Variants in NBN observed in about 807,000 individuals in gnomAD.
NBN encodes the protein Nijmegen breakage syndrome 1 (nibrin).
Under a neutral mutation model 90.8 loss-of-function variants are expected in NBN, and 88 were observed. The ratio of observed to expected loss-of-function variants is 0.97; its 90% CI spans 0.82 to 1.16. The LOEUF (loss-of-function observed/expected upper bound fraction) is 1.16. Among genes scored for constraint, NBN ranks in the 50% most tolerant of loss-of-function variants. The pLI is 0.00. For synonymous variants in NBN, 328 were observed against 295.1 expected (o/e 1.11, Z -1.14); for missense variants, 894 against 869.6 (o/e 1.03, Z -0.35).
chr8:89,963,583 TGG>T, intron 8 of NBN, among the ~76,000 whole-genome samples: 1 of 152,160 alleles, frequency 6.6e-6, no homozygotes, highest in Non-Finnish European at 1.5e-5. Flanking sequence ...TTAAAAACTA[TGG>T]AAATGTGTTT....
At chr8:89,941,305 T>C (rs1037914798) in intron 14 of NBN, among the ~76,000 whole-genome samples, 4 of 152,122 alleles carry the variant, frequency 2.6e-5, no homozygotes, top group Non-Finnish European at 4.4e-5. Flanking sequence ...TTAAGAAAGA[T>C]GACTGGTCAT....
chr8:89,976,418 G>A (rs1200507243), intron 5 of NBN, among the ~76,000 whole-genome samples: 1 of 152,212 alleles, frequency 6.6e-6, no homozygotes, highest in East Asian at 1.9e-4. Context: ...GTGCCTGAAA[G>A]CTTAGGTTAG....
chr8:89,940,168 CT>C (rs1434649335), intron 14 of NBN, among the ~76,000 whole-genome samples: 2 of 152,188 alleles, frequency 1.3e-5, no homozygotes, highest in East Asian at 3.8e-4. Context: ...TCACTGCAAC[CT>C]TAACCTCCCA....
intron 14 of NBN, among the ~76,000 whole-genome samples, chr8:89,940,572 T>A (rs577269197): frequency 1.9e-4 from 29 of 151,146 alleles, no homozygotes; most frequent in African/African-American, 7.0e-4. Flanking sequence ...AAAAGACATT[T>A]CCCTTTACTC....
intron 11 of NBN, among the ~76,000 whole-genome samples, chr8:89,949,767 T>C (rs905076322): frequency 6.6e-6 from 1 of 152,098 alleles, no homozygotes; most frequent in African/African-American, 2.4e-5. Context: ...CAAAGAGAAG[T>C]ATCACATTTT....
At chr8:89,974,566 A>G (rs1041648345) in intron 5 of NBN, among the ~76,000 whole-genome samples, 2 of 152,174 alleles carry the variant, frequency 1.3e-5, no homozygotes, top group African/African-American at 4.8e-5. Flanking sequence ...AGCAAGCAGC[A>G]TGAGCCCCAG....
intron 14 of NBN, among the ~76,000 whole-genome samples, chr8:89,938,131 C>T (rs1809774923): frequency 6.6e-6 from 1 of 152,160 alleles, no homozygotes. Context: ...GGATGCTTAT[C>T]AATTTCTACC....
intron 3 of NBN, 64 bp from the exon 4 acceptor site, chr8:89,980,957 TACTTTAAA>T (rs1812038511): frequency 9.0e-6 from 13 of 1,450,030 alleles, no homozygotes; most frequent in Non-Finnish European, 1.2e-5. Flanking sequence ...CAATTTTTAG[TACTTTAAA>T]ACTTTAAGCT....
In NBN at chr8:89,980,924, T is replaced by C. The variant is rs750146053; in HGVS notation, c.321-31A>G. ...AATGAGAATAAGTTAAATAAAGTCA[T>C]AGTATCAGAGTTGCAGAGATGGCAA... On this transcript the variant is annotated intron_variant, in intron 3 of 15. Coordinates refer to ENST00000265433, the MANE Select transcript of NBN (RefSeq NM_002485.5). 5.0e-6 allele frequency: 8 copies of C among 1,603,576 alleles called. No homozygotes were observed. The African/African-American group carries it at 9.4e-5, about 19-fold the overall frequency.
At chr8:89,945,206 T>G (rs1810133350) in intron 13 of NBN, among the ~76,000 whole-genome samples, 1 of 152,196 alleles carries the variant, frequency 6.6e-6, no homozygotes, top group Admixed American at 6.5e-5. Context: ...GAAGTAACCA[T>G]GCAGTAAGAA....
At chr8:89,941,611 T>G (rs1384616757) in intron 14 of NBN, among the ~76,000 whole-genome samples, 3 of 152,162 alleles carry the variant, frequency 2.0e-5, no homozygotes, top group Admixed American at 2.0e-4. Flanking sequence ...CTCTCTTCCT[T>G]CCCAGTCTGT....
chr8:89,981,194 T>C (rs937991171), intron 3 of NBN, among the ~76,000 whole-genome samples, 181 bp downstream of exon 3: 2 of 152,106 alleles, frequency 1.3e-5, no homozygotes, highest in Non-Finnish European at 2.9e-5. Flanking sequence ...CAGGGCCCAC[T>C]CAAACTCTCA....
In NBN at chr8:89,981,468, G is replaced by A. The variant is rs587781412; in HGVS notation, c.227C>T (p.Thr76Ile). Residue 76 changes from threonine (T) to isoleucine (I), a missense_variant, in exon 3 of 16, where the codon ACC becomes ATC. Transcript: ENST00000265433. ...LTLKDNSKYG[T>I]FVNEEKMQNG... ...CTGCATTTTTTCCTCATTAACAAAGGTACCATACTTAGAATTATCTTTTAA... is the reference window on the plus strand; with the variant it reads ...CTGCATTTTTTCCTCATTAACAAAGATACCATACTTAGAATTATCTTTTAA... 2 of 1,613,482 alleles carry A rather than the reference G, an allele frequency of 1.2e-6. No individual in the cohort carries two copies. Among genetic ancestry groups the A allele is most frequent in the Non-Finnish European group, 1.7e-6 (2 of 1,179,540 alleles).
At position 89,943,396 on chromosome 8, in the gene NBN, T is replaced by A. The variant is rs3736639; in HGVS notation, c.2071-30A>T. 530,489 of 1,586,096 alleles carry A rather than the reference T, an allele frequency of 0.33. 90,482 individuals are homozygous for A. The highest frequency in any genetic ancestry group is 0.48 in the East Asian group (21,212 of 44,612). The stretch of plus-strand genomic sequence containing the variant: ...TGAATAATAAAAGTAGTACAGTAAA[T>A]CATATTAACAAACAAAAATGACCAT... On this transcript the variant is annotated intron_variant, in intron 13 of 15. Coordinates refer to ENST00000265433, the MANE Select transcript of NBN (RefSeq NM_002485.5).
At chr8:89,935,906 C>G (rs1378877590) in intron 15 of NBN, among the ~76,000 whole-genome samples, 1 of 152,098 alleles carries the variant, frequency 6.6e-6, no homozygotes, top group Non-Finnish European at 1.5e-5. Context: ...ACACTTCTTT[C>G]TGTATGGCTT....
intron 4 of NBN, among the ~76,000 whole-genome samples, chr8:89,980,241 T>A (rs747254355): frequency 6.6e-6 from 1 of 152,186 alleles, no homozygotes. Flanking sequence ...GGATTTTTAA[T>A]AAAGGAATCT....
At chr8:89,944,520 CCTTT>C (rs1195009336) in intron 13 of NBN, among the ~76,000 whole-genome samples, 8 of 152,252 alleles carry the variant, frequency 5.3e-5, no homozygotes, top group Admixed American at 1.3e-4. Flanking sequence ...CAGTGTTCTT[CCTTT>C]CTAATAAACT....
At chr8:89,965,473 A>C (rs926684974) in intron 7 of NBN, among the ~76,000 whole-genome samples, 14 of 152,094 alleles carry the variant, frequency 9.2e-5, no homozygotes, top group African/African-American at 3.4e-4. Flanking sequence ...AAATGTCTTC[A>C]ATACTCATTG....
chr8:89,982,083 T>G (rs1812098589), intron 2 of NBN: 1 of 475,864 alleles, frequency 2.1e-6, no homozygotes, highest in Non-Finnish European at 3.5e-6. Context: ...AAATAATGGC[T>G]CATCTTTCTT....
Sources: allele counts gnomAD v4.1 joint callset (sites outside exome capture counted in the v4.1 genomes callset), GRCh38; gene constraint gnomAD v4.1.1; transcripts MANE v1.5; gene names NCBI Gene and HGNC (gene_info 2026-07-23, HGNC 2026-07-21).